ST6GAL2: variants seen among roughly 807,000 people sequenced by gnomAD.
The protein encoded by ST6GAL2 is ST6 beta-galactoside alpha-2,6-sialyltransferase 2, also known as beta-galactoside alpha-2,6-sialyltransferase 2.
In ST6GAL2, 24 loss-of-function variants were observed where a neutral mutation model predicts 37.5. The ratio of observed to expected loss-of-function variants is 0.64; its 90% confidence interval spans 0.46 to 0.90. ST6GAL2 has a LOEUF of 0.90. Ranked by LOEUF, ST6GAL2 falls within the 40% of genes least tolerant of loss-of-function variation. The pLI is 0.00. For synonymous variants in ST6GAL2, 306 were observed against 295.1 expected, an observed-to-expected ratio of 1.04 and a Z score of -0.38; for missense variants, 715 against 712.7, an observed-to-expected ratio of 1.00 and a Z score of -0.04.
intron 1 of ST6GAL2, among the ~76,000 whole-genome samples, chr2:106,859,615 A>G (rs1211220524): frequency 2.0e-5 from 3 of 152,098 alleles, no homozygotes; most frequent in African/African-American, 7.2e-5. Flanking sequence ...ACCACATCCA[A>G]TCCCAACCAC....
chr2:106,812,866 T>C (rs567419309), intron 5 of ST6GAL2, among the ~76,000 whole-genome samples: 24 of 152,328 alleles, frequency 1.6e-4, no homozygotes, highest in African/African-American at 5.8e-4. Context: ...TGCAATTCAG[T>C]AAAGGACAGC....
intron 1 of ST6GAL2, among the ~76,000 whole-genome samples, chr2:106,883,402 A>T (rs1558737988): frequency 6.6e-6 from 1 of 152,234 alleles, no homozygotes; most frequent in Non-Finnish European, 1.5e-5. Context: ...TAATCCACTA[A>T]CAGTGGCTGG....
chr2:106,819,058 TA>T (rs796970376), intron 5 of ST6GAL2, among the ~76,000 whole-genome samples: 11 of 151,666 alleles, frequency 7.3e-5, no homozygotes, highest in African/African-American at 2.7e-4. Flanking sequence ...GGGACAAAAG[TA>T]AAAAGAATAA....
In ST6GAL2 at chr2:106,886,156, C is replaced by G. The variant is rs1678981458; in HGVS notation, c.-121G>C. 6.6e-6 allele frequency: 1 copy of G among 152,348 alleles called. No individual in the cohort carries two copies. The highest frequency in any genetic ancestry group is 2.4e-5 in the African/African-American group (1 of 41,486). 9.4% of individuals were successfully genotyped at this position (152,348 alleles called of 1,614,324 possible). A position where few individuals can be genotyped will look rare whatever the true frequency, so the allele number is the denominator to read the frequency against. On this transcript the variant is annotated 5_prime_UTR_variant, in exon 1 of 6. Transcript: ENST00000409382. ...CCGTGGTGCTCGGTGCTCCCCCTGGCAGCGCGGCACTGGAGTCCAAGGCGT... is the reference window on the plus strand; with the variant it reads ...CCGTGGTGCTCGGTGCTCCCCCTGGGAGCGCGGCACTGGAGTCCAAGGCGT...
chr2:106,880,989 A>C (rs947302908), intron 1 of ST6GAL2, among the ~76,000 whole-genome samples: 15 of 151,794 alleles, frequency 9.9e-5, no homozygotes, highest in African/African-American at 3.4e-4. Flanking sequence ...TCTTTTATTT[A>C]TTTCTTTATT....
chr2:106,813,356 A>G (rs956306812), intron 5 of ST6GAL2: 14 of 557,632 alleles, frequency 2.5e-5, no homozygotes, highest in Non-Finnish European at 3.5e-5. Flanking sequence ...AAACCATTTA[A>G]AAAGCATTTC....
At chr2:106,834,718 T>C (rs1214307831) in intron 2 of ST6GAL2, 1 of 152,630 alleles carries the variant, frequency 6.6e-6, no homozygotes, top group Non-Finnish European at 1.5e-5. Context: ...CAAGAAGACC[T>C]GTGTGAGAGC....
intron 1 of ST6GAL2, among the ~76,000 whole-genome samples, chr2:106,858,776 C>T (rs573251152): frequency 9.2e-5 from 14 of 152,056 alleles, no homozygotes; most frequent in South Asian, 2.1e-4. Flanking sequence ...TAGAAGGGAT[C>T]GTGATCCACT....
chr2:106,860,744 G>C (rs1196336798), intron 1 of ST6GAL2, among the ~76,000 whole-genome samples: 2 of 152,098 alleles, frequency 1.3e-5, no homozygotes, highest in African/African-American at 4.8e-5. Context: ...CTAATTACAT[G>C]AATAAGGTGC....
chr2:106,811,603 A>C (rs1051689360), intron 5 of ST6GAL2, among the ~76,000 whole-genome samples: 12 of 152,210 alleles, frequency 7.9e-5, no homozygotes, highest in African/African-American at 2.7e-4. Context: ...GACCATTCTT[A>C]GGATGGCTTG....
At chr2:106,840,260 A>T (rs1979082) in intron 2 of ST6GAL2, among the ~76,000 whole-genome samples, 2 of 151,948 alleles carry the variant, frequency 1.3e-5, no homozygotes, top group African/African-American at 4.8e-5. Context: ...GCGGCCAACA[A>T]GAATTTCGCT....
At chr2:106,885,208 A>G (rs1407164199) in intron 1 of ST6GAL2, among the ~76,000 whole-genome samples, 1 of 151,930 alleles carries the variant, frequency 6.6e-6, no homozygotes, top group Non-Finnish European at 1.5e-5. Flanking sequence ...GAGGGTCAGC[A>G]TGCCCCTTTA....
chr2:106,848,042 TC>T (rs947467011), intron 1 of ST6GAL2, among the ~76,000 whole-genome samples: 6 of 150,194 alleles, frequency 4.0e-5, no homozygotes, highest in African/African-American at 9.8e-5. Context: ...TTTTTCTCTT[TC>T]TTTTTTTTTT....
rs3796111 is a variant in ST6GAL2 at position 106,834,133 on chromosome 2, C to T, written c.957G>A (p.Ala319=). Residue 319 remains alanine, a synonymous_variant, in exon 3 of 6, where the codon GCG becomes GCA. Transcript: ENST00000409382. ...SLGEEIDSHD[A]VLRFNSAPTR... ...TAGGAGCAGAGTTAAATCTCAAAAC[C>T]GCATCATGAGAATCTAAGGGCACAT... 328,674 of 1,607,978 alleles carry T rather than the reference C, an allele frequency of 0.2. 42,067 individuals are homozygous for T. The highest frequency in any genetic ancestry group is 0.54 in the East Asian group (24,292 of 44,666).
chr2:106,836,287 A>G (rs574064957), intron 2 of ST6GAL2, among the ~76,000 whole-genome samples: 3 of 152,308 alleles, frequency 2.0e-5, no homozygotes, highest in African/African-American at 7.2e-5. Flanking sequence ...TATTTGAAGT[A>G]TATGAAGGCT....
chr2:106,872,189 G>T (rs1392301705), intron 1 of ST6GAL2, among the ~76,000 whole-genome samples: 1 of 152,208 alleles, frequency 6.6e-6, no homozygotes, highest in Non-Finnish European at 1.5e-5. Flanking sequence ...ACTGAATGTT[G>T]TATGTGGCAC....
chr2:106,869,193 C>A (rs1370904298), intron 1 of ST6GAL2, among the ~76,000 whole-genome samples: 1 of 152,042 alleles, frequency 6.6e-6, no homozygotes. Flanking sequence ...AGAGGAAGGC[C>A]TGGAAGGGAG....
chr2:106,845,935 G>C (rs1478099455), intron 1 of ST6GAL2, among the ~76,000 whole-genome samples: 1 of 152,156 alleles, frequency 6.6e-6, no homozygotes, highest in African/African-American at 2.4e-5. Context: ...CCAGACACCA[G>C]TGAAGACATA....
chr2:106,864,345 A>C (rs1461536171), intron 1 of ST6GAL2, among the ~76,000 whole-genome samples: 12 of 152,196 alleles, frequency 7.9e-5, no homozygotes, highest in Admixed American at 7.9e-4. Flanking sequence ...AACACTTCAT[A>C]GGTAACTATT....
Sources: gnomAD v4.1 joint callset for allele counts (sites outside exome capture counted in the v4.1 genomes callset) on GRCh38, gnomAD v4.1.1 for gene constraint, MANE v1.5 for transcripts, NCBI Gene and HGNC (gene_info 2026-07-23, HGNC 2026-07-21) for gene names.